SLC30A6: variants seen among roughly 807,000 people sequenced by gnomAD.
SLC30A6 encodes zinc transporter 6.
SLC30A6 carries 55 observed loss-of-function variants against 63.0 expected under a neutral mutation model. The observed-to-expected ratio is 0.87, with a 90% CI of 0.70 to 1.09. SLC30A6 has a LOEUF of 1.09. Among genes scored for constraint, SLC30A6 ranks in the 50% least tolerant of loss-of-function variants. SLC30A6 has a pLI of 0.00. For missense variants in SLC30A6, 587 were observed against 549.2 expected (o/e 1.07, Z -0.69); for synonymous variants, 224 against 186.1 (o/e 1.20, Z -1.66).
chr2:32,210,909 C>A (rs183347584), intron 13 of SLC30A6, among the ~76,000 whole-genome samples: 3 of 152,208 alleles, frequency 2.0e-5, no homozygotes, highest in Admixed American at 2.0e-4. Context: ...GCCAAATGAC[C>A]AGAGTGTCAA....
At chr2:32,211,077 CTGTA>C (rs1278951618) in intron 13 of SLC30A6, among the ~76,000 whole-genome samples, 1 of 152,198 alleles carries the variant, frequency 6.6e-6, no homozygotes, top group Non-Finnish European at 1.5e-5. Context: ...TCTTTGCCTG[CTGTA>C]TGTGTGTAAT....
intron 10 of SLC30A6, chr2:32,203,034 A>T (rs950018386): frequency 5.7e-6 from 7 of 1,232,666 alleles, no homozygotes; most frequent in Non-Finnish European, 3.6e-6. Context: ...TCCACACATA[A>T]AACAGAATGC....
chr2:32,209,399 ATTC>A (rs1229896069), intron 12 of SLC30A6, 91 bp from the exon 13 acceptor site: 1 of 946,470 alleles, frequency 1.1e-6, no homozygotes, highest in Non-Finnish European at 1.6e-6. Context: ...TTTGGCTGTC[ATTC>A]TTAAGTTTAA....
chr2:32,170,940 C>T (rs1269406486), intron 1 of SLC30A6, among the ~76,000 whole-genome samples: 1 of 152,134 alleles, frequency 6.6e-6, no homozygotes, highest in African/African-American at 2.4e-5. Flanking sequence ...TAGAAATTTC[C>T]AGTAGAGCTA....
chr2:32,208,572 G>A (rs1684984411), intron 12 of SLC30A6, among the ~76,000 whole-genome samples: 1 of 151,988 alleles, frequency 6.6e-6, no homozygotes, highest in Admixed American at 6.6e-5. Flanking sequence ...GAGCCACTGT[G>A]CCCGGTCAAA....
At chr2:32,167,420 A>G (rs1032442981) in intron 1 of SLC30A6, among the ~76,000 whole-genome samples, 5 of 150,398 alleles carry the variant, frequency 3.3e-5, no homozygotes, top group African/African-American at 9.8e-5. Context: ...CATGTATGCA[A>G]CATCCGTATT....
At chr2:32,173,948 T>G (rs1009462363) in intron 2 of SLC30A6, 115 bp from the exon 3 acceptor site, 21 of 685,940 alleles carry the variant, frequency 3.1e-5, no homozygotes, top group Non-Finnish European at 4.9e-5. Flanking sequence ...CACAGACTTT[T>G]TGAAGGAAGT....
intron 5 of SLC30A6, among the ~76,000 whole-genome samples, chr2:32,185,743 G>A (rs532649754): frequency 5.9e-5 from 9 of 151,902 alleles, no homozygotes; most frequent in Admixed American, 6.6e-5. Flanking sequence ...TTTTTGAGAC[G>A]GATTCTCACT....
intron 13 of SLC30A6, among the ~76,000 whole-genome samples, chr2:32,215,516 A>ATAT (rs757005665): frequency 0.013 from 1,739 of 132,452 alleles, 34 homozygotes; most frequent in African/African-American, 0.043. Flanking sequence ...ATATATATAT[A>ATAT]TTTTTTTTTT....
chr2:32,175,182 G>T, intron 3 of SLC30A6, 137 bp from the exon 4 acceptor site: 1 of 685,924 alleles, frequency 1.5e-6, no homozygotes, highest in Non-Finnish European at 2.5e-6. Context: ...CTAGATAACT[G>T]CCAATATATG....
At chr2:32,183,942 T>G (rs536941948) in intron 4 of SLC30A6, among the ~76,000 whole-genome samples, 1 of 152,296 alleles carries the variant, frequency 6.6e-6, no homozygotes, top group South Asian at 2.1e-4. Flanking sequence ...TTTTTAGCAT[T>G]TTCAGTTACA....
At chr2:32,213,382 T>A (rs1435771679) in intron 13 of SLC30A6, among the ~76,000 whole-genome samples, 1 of 151,772 alleles carries the variant, frequency 6.6e-6, no homozygotes, top group Non-Finnish European at 1.5e-5. Context: ...CAGCCCTTAT[T>A]GCAGACCCAG....
intron 11 of SLC30A6, among the ~76,000 whole-genome samples, chr2:32,205,363 G>T (rs886090167): frequency 3.9e-5 from 6 of 152,188 alleles, no homozygotes; most frequent in Non-Finnish European, 8.8e-5. Flanking sequence ...GGAGGTTGCA[G>T]TGAGCTGACA....
chr2:32,210,140 T>C (rs1376854671), intron 13 of SLC30A6, among the ~76,000 whole-genome samples: 2 of 152,140 alleles, frequency 1.3e-5, no homozygotes, highest in Admixed American at 1.3e-4. Flanking sequence ...ATACAGAAAA[T>C]GTAAAGCACT....
chr2:32,167,220 A>C (rs1404396293), intron 1 of SLC30A6, among the ~76,000 whole-genome samples: 1 of 151,796 alleles, frequency 6.6e-6, no homozygotes, highest in Non-Finnish European at 1.5e-5. Context: ...GGATTACAGG[A>C]ATGCGCCACC....
intron 5 of SLC30A6, among the ~76,000 whole-genome samples, chr2:32,190,643 A>G (rs1196613836): frequency 6.6e-6 from 1 of 151,850 alleles, no homozygotes; most frequent in Non-Finnish European, 1.5e-5. Flanking sequence ...TTTTTTTGGT[A>G]TGGTGTGAAG....
chr2:32,197,679 G>A, intron 9 of SLC30A6, 28 bp from the exon 10 acceptor site: 1 of 1,613,406 alleles, frequency 6.2e-7, no homozygotes, highest in Non-Finnish European at 8.5e-7. Flanking sequence ...TCTGCTAATG[G>A]ATACTCTTTC....
chr2:32,174,547 G>GTTTTT (rs1169226985), intron 3 of SLC30A6, among the ~76,000 whole-genome samples: 2 of 85,740 alleles, frequency 2.3e-5, no homozygotes, highest in African/African-American at 9.1e-5. Flanking sequence ...TCTATCTGGA[G>GTTTTT]ATTTTTTTTT....
intron 11 of SLC30A6, among the ~76,000 whole-genome samples, chr2:32,205,106 C>A (rs182081451): frequency 6.6e-6 from 1 of 152,170 alleles, no homozygotes; most frequent in Non-Finnish European, 1.5e-5. Context: ...AGCCATCGTG[C>A]CCAGTCATAA....
Sources: allele counts gnomAD v4.1 joint callset (sites outside exome capture counted in the v4.1 genomes callset), GRCh38; gene constraint gnomAD v4.1.1; transcripts MANE v1.5; gene names NCBI Gene and HGNC (gene_info 2026-07-23, HGNC 2026-07-21).